RAB38: variants seen among roughly 807,000 people sequenced by gnomAD.
RAB38 encodes the protein RAB38, member RAS oncogene family.
A neutral mutation model predicts 18.4 loss-of-function variants in RAB38; 15 were observed. That is an observed-to-expected ratio of 0.82 (90% CI 0.55 to 1.26). RAB38 has a LOEUF of 1.26. Among genes scored for constraint, RAB38 ranks in the 50% most tolerant of loss-of-function variants. RAB38 has a pLI of 0.00. For missense variants in RAB38, 294 were observed against 267.4 expected, an observed-to-expected ratio of 1.10 and a Z score of -0.69; for synonymous variants, 101 against 104.4, an observed-to-expected ratio of 0.97 and a Z score of 0.20.
chr11:88,129,335 G>T (rs1406649860), intron 2 of RAB38, among the ~76,000 whole-genome samples: 1 of 152,030 alleles, frequency 6.6e-6, no homozygotes, highest in Non-Finnish European at 1.5e-5. Flanking sequence ...AGGAATAAAA[G>T]AAATTTCTTA....
intron 2 of RAB38, among the ~76,000 whole-genome samples, chr11:88,124,945 T>G (rs761424916): frequency 6.6e-6 from 1 of 152,210 alleles, no homozygotes; most frequent in East Asian, 1.9e-4. Flanking sequence ...CGCAATAAGT[T>G]ATGTGACTGT....
the RAB38 span, among the ~76,000 whole-genome samples, chr11:88,024,109 A>G: frequency 6.6e-6 from 1 of 152,130 alleles, no homozygotes; most frequent in African/African-American, 2.4e-5. Flanking sequence ...TGAAGAGATA[A>G]CCAGTAGAAT....
At chr11:87,840,107 A>T in the RAB38 span, among the ~76,000 whole-genome samples, 999 of 152,264 alleles carry the variant, frequency 6.6e-3, 11 homozygotes, top group African/African-American at 0.023. Flanking sequence ...TGTGGCTACT[A>T]TTTGGTGGAA....
chr11:88,149,821 T>C lies in RAB38; in HGVS notation c.337A>G (p.Ser113Gly), dbSNP rs1455518665. 1 of 1,614,006 alleles carries C rather than the reference T, an allele frequency of 6.2e-7. No homozygotes were observed. Among genetic ancestry groups the C allele is most frequent in the African/African-American group, 1.3e-5 (1 of 74,914 alleles). ...GAAACCGGTTTGCCATTAGGGAGAC[T>C]TAACTTGGAGTCCAAATCATTTTTC... ...KWKNDLDSKL[S>G]LPNGKPVSVV... Residue 113 changes from serine (S) to glycine (G), a missense_variant, in exon 2 of 3, where the codon AGT (serine) becomes GGT (glycine). Coordinates refer to ENST00000243662, the MANE Select transcript of RAB38 (RefSeq NM_022337.3).
the RAB38 span, among the ~76,000 whole-genome samples, chr11:87,955,481 C>G: frequency 6.6e-6 from 1 of 152,092 alleles, no homozygotes; most frequent in African/African-American, 2.4e-5. Flanking sequence ...AACGAACCTG[C>G]ACATGTACTT....
chr11:87,952,502 C>A, the RAB38 span, among the ~76,000 whole-genome samples: 1 of 152,134 alleles, frequency 6.6e-6, no homozygotes, highest in Non-Finnish European at 1.5e-5. Flanking sequence ...ATTGCTCCAC[C>A]TTTTTCAGAA....
the RAB38 span, among the ~76,000 whole-genome samples, chr11:87,931,298 C>A: frequency 6.6e-6 from 1 of 152,018 alleles, no homozygotes; most frequent in South Asian, 2.1e-4. Context: ...AAGATAGATG[C>A]AAGTTGGTTT....
the RAB38 span, among the ~76,000 whole-genome samples, chr11:87,823,793 C>T: frequency 6.6e-6 from 1 of 151,816 alleles, no homozygotes; most frequent in Admixed American, 6.6e-5. Flanking sequence ...TATGTTCATA[C>T]AATGGAATAC....
At chr11:88,030,544 G>A in the RAB38 span, among the ~76,000 whole-genome samples, 1 of 152,000 alleles carries the variant, frequency 6.6e-6, no homozygotes, top group African/African-American at 2.4e-5. Context: ...TGATAAAGAG[G>A]ATATAACCAC....
chr11:87,918,822 T>G, the RAB38 span, among the ~76,000 whole-genome samples: 1 of 152,110 alleles, frequency 6.6e-6, no homozygotes, highest in Non-Finnish European at 1.5e-5. Flanking sequence ...CCATAGGTTG[T>G]CTCCTTACTC....
the RAB38 span, among the ~76,000 whole-genome samples, chr11:88,069,735 A>C: frequency 4.0e-5 from 6 of 151,668 alleles, no homozygotes; most frequent in Admixed American, 2.0e-4. Context: ...ACCAATCAGC[A>C]CTCTGTGTCT....
chr11:88,025,205 AATT>A, the RAB38 span, among the ~76,000 whole-genome samples: 979 of 150,674 alleles, frequency 6.5e-3, 9 homozygotes, highest in African/African-American at 0.023. Context: ...TATATATTAT[AATT>A]ATATTGTGTA....
chr11:88,136,873 G>A (rs1942842645), intron 2 of RAB38, among the ~76,000 whole-genome samples: 1 of 152,144 alleles, frequency 6.6e-6, no homozygotes, highest in Non-Finnish European at 1.5e-5. Flanking sequence ...CCATTCTTAG[G>A]ATACCAGCAG....
chr11:87,827,398 T>C, the RAB38 span, among the ~76,000 whole-genome samples: 3 of 152,052 alleles, frequency 2.0e-5, no homozygotes, highest in South Asian at 2.1e-4. Context: ...TTTAAAGTAG[T>C]ACTCTATGAA....
At chr11:88,013,585 A>G in the RAB38 span, among the ~76,000 whole-genome samples, 1 of 152,154 alleles carries the variant, frequency 6.6e-6, no homozygotes, top group Admixed American at 6.5e-5. Context: ...TGCCTGAAAA[A>G]TGCTGCAGTG....
At chr11:87,814,300 G>T in the RAB38 span, among the ~76,000 whole-genome samples, 1 of 152,086 alleles carries the variant, frequency 6.6e-6, no homozygotes, top group Non-Finnish European at 1.5e-5. Flanking sequence ...GTAATACTAG[G>T]GATTTTTAGT....
intron 1 of RAB38, among the ~76,000 whole-genome samples, chr11:88,158,295 TA>T (rs1943149511): frequency 6.6e-6 from 1 of 152,030 alleles, no homozygotes; most frequent in Non-Finnish European, 1.5e-5. Flanking sequence ...TAAAGAAACC[TA>T]CCAACCAAAA....
chr11:88,130,132 T>C (rs188509740), intron 2 of RAB38, among the ~76,000 whole-genome samples: 1 of 151,894 alleles, frequency 6.6e-6, no homozygotes, highest in Non-Finnish European at 1.5e-5. Flanking sequence ...GTCCATAAAA[T>C]TGAGTGTGGA....
At chr11:87,977,585 TATA>T in the RAB38 span, among the ~76,000 whole-genome samples, 37 of 118,160 alleles carry the variant, frequency 3.1e-4, no homozygotes, top group East Asian at 1.0e-3. Flanking sequence ...AACATAATTT[TATA>T]ATAATTATGT....
Sources: allele counts gnomAD v4.1 joint callset (sites outside exome capture counted in the v4.1 genomes callset), GRCh38; gene constraint gnomAD v4.1.1; transcripts MANE v1.5; gene names NCBI Gene and HGNC (gene_info 2026-07-23, HGNC 2026-07-21).